Variants in NISCH observed in about 807,000 individuals in gnomAD.
NISCH encodes the protein nischarin, also known as I-1 receptor candidate protein.
Under a neutral mutation model 138.4 loss-of-function variants are expected in NISCH, and 55 were observed. The ratio of observed to expected loss-of-function variants is 0.40; its 90% CI spans 0.32 to 0.50. The LOEUF (loss-of-function observed/expected upper bound fraction) is 0.50, where lower values mean the gene tolerates loss of function less well. Ranked by LOEUF, NISCH falls within the 20% of genes least tolerant of loss-of-function variation. The pLI is 0.71. For missense variants in NISCH, 1,643 were observed against 2,005.5 expected (o/e 0.82, Z 3.45); for synonymous variants, 860 against 861.5 (o/e 1.00, Z 0.03).
rs1406948440 is a variant in NISCH at position 52,482,652 on chromosome 3, C to T, written c.1529-1861C>T. Among the ~76,000 whole-genome samples the T allele has an allele frequency of 2.8e-4, 43 of 152,232 alleles. 1 individual carries two copies. Among genetic ancestry groups the T allele is most frequent in the Non-Finnish European group, 2.9e-5 (2 of 68,052 alleles). On this transcript the variant is annotated intron_variant, in intron 13 of 20. Transcript: ENST00000345716. ...AGGTGCGTCTTTCAGTCAGTGGCGT[C>T]TCATAGTCGCTGTCAGCCAGCTGGT... is the stretch of plus-strand genomic sequence containing the variant.
At chr3:52,473,047 T>C (rs915265939) in intron 6 of NISCH, among the ~76,000 whole-genome samples, 4 of 152,194 alleles carry the variant, frequency 2.6e-5, no homozygotes, top group Non-Finnish European at 5.9e-5. Flanking sequence ...AACTGAGGCT[T>C]GGGCAGATAA....
intron 13 of NISCH, 51 bp from the exon 14 acceptor site, chr3:52,484,462 T>TTGGCGGCCC: frequency 1.3e-6 from 1 of 788,670 alleles, no homozygotes; most frequent in Non-Finnish European, 1.8e-6. Context: ...ACAGCCGCTC[T>TTGGCGGCCC]CCCCGCCCCA....
chr3:52,491,263 G>A, intron 19 of NISCH, 89 bp from the exon 20 acceptor site: 1 of 1,507,752 alleles, frequency 6.6e-7, no homozygotes, highest in Non-Finnish European at 8.8e-7. Flanking sequence ...CTGGGCTGAG[G>A]CTTGCTAGGG....
chr3:52,484,701 G>A, intron 14 of NISCH, 64 bp downstream of exon 14: 3 of 1,593,042 alleles, frequency 1.9e-6, no homozygotes, highest in Non-Finnish European at 1.7e-6. Context: ...GCTTGGGGTT[G>A]TGTGCAGTAG....
chr3:52,472,153 ACCCAGTGTC>A (rs1706968827), intron 5 of NISCH, 141 bp from the exon 6 acceptor site: 1 of 967,584 alleles, frequency 1.0e-6, no homozygotes, highest in African/African-American at 1.6e-5. Flanking sequence ...GGCGGTCGTG[ACCCAGTGTC>A]CCGTTAAATT....
chr3:52,485,476 C>T (rs932737621), intron 14 of NISCH, among the ~76,000 whole-genome samples: 10 of 152,200 alleles, frequency 6.6e-5, no homozygotes, highest in Admixed American at 5.9e-4. Flanking sequence ...TGGACCCTTG[C>T]GTGGCACAAG....
At chr3:52,459,183 A>C (rs1222571835) in intron 3 of NISCH, among the ~76,000 whole-genome samples, 4 of 152,194 alleles carry the variant, frequency 2.6e-5, no homozygotes, top group African/African-American at 9.7e-5. Context: ...ACTATTGTTG[A>C]GTTGTTGGTG....
intron 3 of NISCH, among the ~76,000 whole-genome samples, chr3:52,464,517 C>CTTTTTTTTTTTTTTTTTTTTTTT (rs71084185): frequency 2.6e-5 from 2 of 75,808 alleles, no homozygotes; most frequent in Non-Finnish European, 4.5e-5. Context: ...TGTGAGTTGT[C>CTTTTTTTTTTTTTTTTTTTTTTT]TTTTTTTTTT....
chr3:52,471,277 C>T, intron 4 of NISCH: 1 of 316,598 alleles, frequency 3.2e-6, no homozygotes, highest in South Asian at 5.5e-5. Context: ...TTGCATCTTA[C>T]TGCCTTCCCC....
intron 3 of NISCH, among the ~76,000 whole-genome samples, chr3:52,463,932 G>A (rs1244585777): frequency 1.3e-5 from 2 of 150,312 alleles, no homozygotes; most frequent in South Asian, 2.1e-4. Context: ...TCACCATGTC[G>A]GCCAGGATGG....
At chr3:52,484,462 T>TTGGGCCCCCCCCCCCC in intron 13 of NISCH, 51 bp from the exon 14 acceptor site, 1 of 788,670 alleles carries the variant, frequency 1.3e-6, no homozygotes, top group Non-Finnish European at 1.8e-6. Context: ...ACAGCCGCTC[T>TTGGGCCCCCCCCCCCC]CCCCGCCCCA....
chr3:52,455,790 G>C, intron 1 of NISCH, 56 bp downstream of exon 1: 1 of 1,247,182 alleles, frequency 8.0e-7, no homozygotes, highest in Non-Finnish European at 1.0e-6. Flanking sequence ...CCGGGAGTCC[G>C]ACTCGGGGGC....
chr3:52,473,319 G>T (rs1707002404), intron 6 of NISCH, among the ~76,000 whole-genome samples: 1 of 152,160 alleles, frequency 6.6e-6, no homozygotes. Flanking sequence ...TTGACCTGTG[G>T]CCTGCCCCTC....
chr3:52,462,808 T>C (rs1477674475), intron 3 of NISCH, among the ~76,000 whole-genome samples: 1 of 151,990 alleles, frequency 6.6e-6, no homozygotes, highest in Non-Finnish European at 1.5e-5. Context: ...AGCTAATTTT[T>C]TGTATTTTTA....
At chr3:52,488,974 T>G (rs908163429) in intron 16 of NISCH, among the ~76,000 whole-genome samples, 1 of 152,148 alleles carries the variant, frequency 6.6e-6, no homozygotes, top group African/African-American at 2.4e-5. Context: ...TGTGCTCCTC[T>G]GGGCCCAAGC....
At chr3:52,480,680 T>C in intron 13 of NISCH, 1 of 1,422,174 alleles carries the variant, frequency 7.0e-7, no homozygotes, top group South Asian at 1.6e-5. Context: ...GTGACTTTAC[T>C]GTCTGGAGCC....
At chr3:52,486,699 C>A in intron 15 of NISCH, 1 of 157,346 alleles carries the variant, frequency 6.4e-6, no homozygotes, top group Non-Finnish European at 1.4e-5. Context: ...TGACCCTTTA[C>A]AGAAGCTTAC....
chr3:52,477,862 C>T (rs773247171), intron 9 of NISCH: 4 of 625,788 alleles, frequency 6.4e-6, no homozygotes, highest in Admixed American at 5.6e-5. Flanking sequence ...GATGCACCTC[C>T]GTCCTGAAGG....
Position 52,478,590 on chromosome 3 carries a change from A to C in NISCH, c.1302+13A>C. The stretch of plus-strand genomic sequence containing the variant: ...GAGGGCCTCAGAGGTGAGCCCCAGC[A>C]CAGTCAGAAGAGCCCAGGGAGACCT... On this transcript the variant is annotated intron_variant, in intron 11 of 20. Transcript: ENST00000345716. The C allele has an allele frequency of 6.2e-7, 1 of 1,613,786 alleles. No homozygotes were observed. Among genetic ancestry groups the C allele is most frequent in the Non-Finnish European group, 8.5e-7 (1 of 1,179,710 alleles).
Sources: allele counts gnomAD v4.1 joint callset (sites outside exome capture counted in the v4.1 genomes callset), GRCh38; gene constraint gnomAD v4.1.1; transcripts MANE v1.5; gene names NCBI Gene and HGNC (gene_info 2026-07-23, HGNC 2026-07-21).